Variants in SPATA21 observed in about 807,000 individuals in gnomAD.
The protein encoded by SPATA21 is spermatogenesis-associated protein 21.
Under a neutral mutation model 54.8 loss-of-function variants are expected in SPATA21, and 47 were observed. The observed-to-expected ratio is 0.86, with a 90% CI of 0.68 to 1.09. The LOEUF is 1.09. SPATA21 is among the 50% of genes least tolerant of loss of function. The pLI, the probability that SPATA21 is intolerant of heterozygous loss-of-function variation, is 0.00. For synonymous variants in SPATA21, 245 were observed against 235.3 expected (o/e 1.04, Z -0.38); for missense variants, 599 against 596.4 (o/e 1.00, Z -0.05).
At chr1:16,427,861 C>T in intron 3 of SPATA21, 1 of 1,546,260 alleles carries the variant, frequency 6.5e-7, no homozygotes, top group Non-Finnish European at 8.7e-7. Context: ...CCCCTCAGCT[C>T]ACCCTGGTCT....
chr1:16,405,493 GA>G (rs538611012), intron 7 of SPATA21, among the ~76,000 whole-genome samples: 26,368 of 81,282 alleles, frequency 0.32, 3,125 homozygotes, highest in East Asian at 0.57. Flanking sequence ...AAATAAAAAT[GA>G]AAAAAAAAAA....
intron 3 of SPATA21, among the ~76,000 whole-genome samples, chr1:16,422,680 T>A (rs931780249): frequency 6.6e-6 from 1 of 152,008 alleles, no homozygotes; most frequent in Non-Finnish European, 1.5e-5. Context: ...TGATATTTTT[T>A]AATTTTTGGT....
At chr1:16,412,322 C>A (rs1331248472) in intron 5 of SPATA21, among the ~76,000 whole-genome samples, 4 of 152,312 alleles carry the variant, frequency 2.6e-5, no homozygotes, top group Middle Eastern at 3.4e-3. Flanking sequence ...AAAGCAGAGA[C>A]CCCAGGTTCC....
At chr1:16,420,782 G>A (rs1367688772) in intron 5 of SPATA21, among the ~76,000 whole-genome samples, 1 of 152,068 alleles carries the variant, frequency 6.6e-6, no homozygotes, top group Non-Finnish European at 1.5e-5. Context: ...TGACACATGA[G>A]TGAGATGAGG....
In SPATA21 at chr1:16,413,772, C is replaced by T. The variant is rs149677961; in HGVS notation, c.145-3729G>A. Reference sequence around the variant, plus strand: ...GGACTACAGGTGCGTGCCACCATGCCTGGCTAATTTTTGTATTTTTAGTAG... The same window carrying T: ...GGACTACAGGTGCGTGCCACCATGCTTGGCTAATTTTTGTATTTTTAGTAG... On this transcript the variant is annotated intron_variant, in intron 5 of 12. Coordinates refer to ENST00000335496, the MANE Select transcript of SPATA21 (RefSeq NM_198546.1). Among the ~76,000 whole-genome samples the T allele has an allele frequency of 3.1e-3, 475 of 152,186 alleles. 3 individuals are homozygous for T. The highest frequency in any genetic ancestry group is 9.1e-3 in the African/African-American group (380 of 41,548).
chr1:16,419,172 G>A (rs74407262), intron 5 of SPATA21, among the ~76,000 whole-genome samples: 5,193 of 152,222 alleles, frequency 0.034, 96 homozygotes, highest in Middle Eastern at 0.051. Flanking sequence ...AACTGATGTC[G>A]AAATTGAAAG....
chr1:16,421,426 C>G lies in SPATA21; in HGVS notation c.144+83G>C. 1 of 1,365,304 alleles carries G rather than the reference C, an allele frequency of 7.3e-7. No individual in the cohort carries two copies. Among genetic ancestry groups the G allele is most frequent in the Non-Finnish European group, 1.0e-6 (1 of 1,002,492 alleles). The allele number at this position is 1,365,304 out of a possible 1,614,324, so 84.6% of individuals were successfully genotyped here. A position where few individuals can be genotyped will look rare whatever the true frequency, so the allele number is the denominator to read the frequency against. On this transcript the variant is annotated intron_variant, in intron 5 of 12. Transcript: ENST00000335496. The surrounding 1 kb of genome is among the most constrained non-coding windows in gnomAD (Gnocchi z 5.2). ...AAATAGGGGTTTGACGTGCCACATC[C>G]GCTTCTGCCCTCTTCCTCCTCCTGA... is the stretch of plus-strand genomic sequence containing the variant.
intron 5 of SPATA21, among the ~76,000 whole-genome samples, chr1:16,419,388 G>C (rs2086106987): frequency 6.6e-6 from 1 of 152,178 alleles, no homozygotes; most frequent in Non-Finnish European, 1.5e-5. Context: ...TAATGAAAGA[G>C]GGAGTGGAAG....
rs761660030 is a variant in SPATA21 at position 16,409,574 on chromosome 1, G to T, written c.587+27C>A. The T allele has an allele frequency of 6.9e-6, 11 of 1,594,682 alleles. No individual in the cohort carries two copies. The highest frequency in any genetic ancestry group is 6.8e-5 in the South Asian group (6 of 88,736). Reference sequence around the variant, plus strand: ...TCTGATCTTGGGGCCTTTCAGGAGCGGGCGGGTGAGCAGCGGGGGCTCCTA... The same window carrying T: ...TCTGATCTTGGGGCCTTTCAGGAGCTGGCGGGTGAGCAGCGGGGGCTCCTA... On this transcript the variant is annotated intron_variant, in intron 6 of 12. Transcript: ENST00000335496. The surrounding 1 kb of genome is among the most constrained non-coding windows in gnomAD (Gnocchi z 4.1).
intron 2 of SPATA21, 47 bp from the exon 3 acceptor site, chr1:16,431,469 C>G (rs1022817537): frequency 6.4e-7 from 1 of 1,554,270 alleles, no homozygotes; most frequent in African/African-American, 1.4e-5. Flanking sequence ...CATCACCTAA[C>G]TGCTGCTTCA....
Position 16,421,867 on chromosome 1 carries a change from G to T in SPATA21, c.95+44C>A, listed in dbSNP as rs79968260. The T allele has an allele frequency of 8.8e-3, 14,240 of 1,613,898 alleles. 947 individuals are homozygous for T. In the African/African-American group the frequency reaches 0.16, roughly 18 times the overall value. On this transcript the variant is annotated intron_variant, in intron 4 of 12. Transcript: ENST00000335496. The surrounding 1 kb of genome is among the most constrained non-coding windows in gnomAD (Gnocchi z 5.2). ...ACCCCACCTGAAACTCAGCAGAAGA[G>T]CATCCTTGTTGGGGGCAGGGGATGG...
intron 7 of SPATA21, among the ~76,000 whole-genome samples, 167 bp downstream of exon 7, chr1:16,408,951 A>C (rs1570124159): frequency 6.7e-6 from 1 of 150,254 alleles, no homozygotes; most frequent in African/African-American, 2.5e-5. Flanking sequence ...CCAATCCCCT[A>C]CCCTGCCCTG....
At position 16,428,718 on chromosome 1, in the gene SPATA21, C is replaced by G. The variant is rs1054792416; in HGVS notation, c.34+2620G>C. Among the ~76,000 whole-genome samples the G allele has an allele frequency of 6.6e-6, 1 of 152,120 alleles. No individual in the cohort carries two copies. Among genetic ancestry groups the G allele is most frequent in the Non-Finnish European group, 1.5e-5 (1 of 68,008 alleles). On this transcript the variant is annotated intron_variant, in intron 3 of 12. Transcript: ENST00000335496. The surrounding 1 kb of genome is among the most constrained non-coding windows in gnomAD (Gnocchi z 4.3). ...ACTATCATGGTCTGTCACTCTCCAA[C>G]TGGGTGACCTGGAGCCAGTGACTGA... is the stretch of plus-strand genomic sequence containing the variant.
intron 10 of SPATA21, among the ~76,000 whole-genome samples, chr1:16,402,527 C>T (rs1036166734): frequency 1.3e-5 from 2 of 150,864 alleles, no homozygotes; most frequent in African/African-American, 4.9e-5. Context: ...TCCCAAAGTG[C>T]TGGGATTACA....
chr1:16,419,715 G>A (rs1286726035), intron 5 of SPATA21, among the ~76,000 whole-genome samples: 6 of 152,158 alleles, frequency 3.9e-5, no homozygotes, highest in African/African-American at 9.7e-5. Context: ...TGAGGCGGGC[G>A]GATCACCGGA....
At chr1:16,427,803 C>G (rs1347116579) in intron 3 of SPATA21, 1 of 1,494,612 alleles carries the variant, frequency 6.7e-7, no homozygotes, top group African/African-American at 1.4e-5. Context: ...CTCTCTCCCC[C>G]GCGGGTGGGC....
chr1:16,425,673 C>G (rs564706362), intron 3 of SPATA21: 29 of 1,550,356 alleles, frequency 1.9e-5, no homozygotes, highest in Middle Eastern at 1.7e-4. Context: ...TCACTCTGAT[C>G]CTGGCCTGCT....
At chr1:16,432,509 T>C (rs1203103576) in intron 2 of SPATA21, among the ~76,000 whole-genome samples, 3 of 152,104 alleles carry the variant, frequency 2.0e-5, no homozygotes, top group Non-Finnish European at 4.4e-5. Flanking sequence ...ACTTTCTGTT[T>C]TAATCCAGGC....
chr1:16,398,129 A>G (rs1244880299), downstream of SPATA21: 1 of 522,834 alleles, frequency 1.9e-6, no homozygotes, highest in Non-Finnish European at 2.5e-6. Context: ...TTTTAAATAC[A>G]TGTTTTAAAC....
Sources: allele counts gnomAD v4.1 joint callset (sites outside exome capture counted in the v4.1 genomes callset), GRCh38; gene constraint gnomAD v4.1.1; non-coding constraint Gnocchi (gnomAD v3.1); transcripts MANE v1.5; gene names NCBI Gene and HGNC (gene_info 2026-07-23, HGNC 2026-07-21).